The following DTNA variants were observed in gnomAD, a reference collection of about 807,000 sequenced individuals.
The protein encoded by DTNA is dystrobrevin alpha, also known as dystrophin-related protein 3.
A neutral mutation model predicts 100.7 loss-of-function variants in DTNA; 43 were observed. The observed-to-expected ratio is 0.43, with a 90% CI of 0.33 to 0.55. The LOEUF (loss-of-function observed/expected upper bound fraction) is 0.55, where lower values mean the gene tolerates loss of function less well. Among genes scored for constraint, DTNA ranks in the 20% least tolerant of loss-of-function variants. DTNA has a pLI of 0.04. For synonymous variants in DTNA, 349 were observed against 347.9 expected (o/e 1.00, Z -0.04); for missense variants, 798 against 953.9 (o/e 0.84, Z 2.15).
chr18:34,595,034 C>T (rs747339936), intron 1 of DTNA, among the ~76,000 whole-genome samples: 3 of 152,210 alleles, frequency 2.0e-5, no homozygotes, highest in Non-Finnish European at 4.4e-5. Context: ...TTGGGTAATA[C>T]TTATAATTAA....
chr18:34,887,680 G>C, intron 22 of DTNA, 86 bp from the exon 23 acceptor site: 1 of 967,240 alleles, frequency 1.0e-6, no homozygotes, highest in Non-Finnish European at 1.2e-6. Context: ...CTTCTATATT[G>C]GGGAAAGGGG....
At chr18:34,603,796 T>C (rs111932776) in intron 1 of DTNA, among the ~76,000 whole-genome samples, 143 of 152,344 alleles carry the variant, frequency 9.4e-4, no homozygotes, top group Non-Finnish European at 1.6e-3. Context: ...ATTATTTCTT[T>C]ATGAAGACCT....
chr18:34,761,378 G>A (rs1216816532), intron 2 of DTNA, among the ~76,000 whole-genome samples: 2 of 151,980 alleles, frequency 1.3e-5, no homozygotes, highest in African/African-American at 2.4e-5. Context: ...GTGTGAAAAT[G>A]TTCAGAGTGC....
chr18:34,807,715 T>C (rs886933246), intron 5 of DTNA, among the ~76,000 whole-genome samples: 3 of 152,112 alleles, frequency 2.0e-5, no homozygotes, highest in Non-Finnish European at 4.4e-5. Flanking sequence ...CAGAGAAGCC[T>C]AGCCAGACCT....
At chr18:34,649,467 C>T (rs1470570021) in intron 1 of DTNA, among the ~76,000 whole-genome samples, 2 of 152,132 alleles carry the variant, frequency 1.3e-5, no homozygotes, top group African/African-American at 4.8e-5. Context: ...TTCTGTGACT[C>T]TTCTGGCAAT....
intron 1 of DTNA, among the ~76,000 whole-genome samples, chr18:34,546,265 C>G (rs944181605): frequency 2.0e-5 from 3 of 152,062 alleles, no homozygotes; most frequent in Admixed American, 2.0e-4. Flanking sequence ...TGGCCTCTGT[C>G]TAACCAAAGG....
At chr18:34,822,434 T>C (rs1268294916) in intron 9 of DTNA, 1 of 152,254 alleles carries the variant, frequency 6.6e-6, no homozygotes, top group Non-Finnish European at 1.5e-5. Flanking sequence ...GAGAGCAGCC[T>C]TCAACAGAGC....
At chr18:34,495,079 C>T (rs1478512070) in intron 1 of DTNA, among the ~76,000 whole-genome samples, 3 of 152,012 alleles carry the variant, frequency 2.0e-5, no homozygotes, top group Non-Finnish European at 4.4e-5. Context: ...AATAACTTAC[C>T]CAAGGTCATA....
intron 19 of DTNA, among the ~76,000 whole-genome samples, chr18:34,878,225 G>T (rs1032706836): frequency 2.6e-5 from 4 of 152,068 alleles, no homozygotes; most frequent in Non-Finnish European, 5.9e-5. Flanking sequence ...TGATCCTCCT[G>T]CCTCGGCCTC....
chr18:34,673,523 G>GAAA (rs5823950), intron 1 of DTNA, among the ~76,000 whole-genome samples: 2 of 138,034 alleles, frequency 1.4e-5, no homozygotes, highest in Non-Finnish European at 1.6e-5. Context: ...CAGTCCTTCA[G>GAAA]AAAAAAAAAA....
chr18:34,591,428 A>G (rs1409097472), intron 1 of DTNA, among the ~76,000 whole-genome samples: 1 of 152,210 alleles, frequency 6.6e-6, no homozygotes, highest in East Asian at 1.9e-4. Context: ...AGTTTCAACA[A>G]CCATTTTTTG....
At chr18:34,783,331 A>T (rs2094402895) in intron 3 of DTNA, among the ~76,000 whole-genome samples, 1 of 152,224 alleles carries the variant, frequency 6.6e-6, no homozygotes, top group Admixed American at 6.5e-5. Context: ...CCTAATAGGC[A>T]ATGGATGTAC....
chr18:34,621,442 G>A lies in DTNA; in HGVS notation c.-2+127928G>A, dbSNP rs1599170812. ...GGAATCAACCTAAGTGTCTGTCAATGGATGGATGAATGGATAAATGTGGTA... is the reference window on the plus strand; with the variant it reads ...GGAATCAACCTAAGTGTCTGTCAATAGATGGATGAATGGATAAATGTGGTA... On this transcript the variant is annotated intron_variant, in intron 1 of 19. Coordinates refer to the DTNA transcript ENST00000283365. Among the ~76,000 whole-genome samples the A allele has an allele frequency of 2.0e-5, 3 of 152,134 alleles. No individual in the cohort carries two copies. The South Asian group carries it at 6.2e-4, about 32-fold the overall frequency.
chr18:34,591,910 T>A (rs1439223139), intron 1 of DTNA, among the ~76,000 whole-genome samples: 7 of 152,146 alleles, frequency 4.6e-5, no homozygotes, highest in Non-Finnish European at 8.8e-5. Flanking sequence ...ATTAATCAAG[T>A]TTTCCCTCAT....
chr18:34,659,598 A>T (rs2074880754), intron 1 of DTNA, among the ~76,000 whole-genome samples: 1 of 151,596 alleles, frequency 6.6e-6, no homozygotes, highest in Non-Finnish European at 1.5e-5. Context: ...TTCATTCTAG[A>T]TTCTAACACG....
At chr18:34,830,579 A>G (rs2095983325) in intron 11 of DTNA, among the ~76,000 whole-genome samples, 1 of 152,072 alleles carries the variant, frequency 6.6e-6, no homozygotes, top group Admixed American at 6.5e-5. Context: ...CATCTTTTCT[A>G]GCTCTGTACT....
chr18:34,806,833 A>G (rs1033144428), intron 5 of DTNA, among the ~76,000 whole-genome samples: 2 of 152,250 alleles, frequency 1.3e-5, no homozygotes, highest in African/African-American at 4.8e-5. Context: ...CATGGTAGCT[A>G]AAGTACATTG....
intron 1 of DTNA, among the ~76,000 whole-genome samples, chr18:34,732,325 C>T (rs2088475654): frequency 6.6e-6 from 1 of 152,168 alleles, no homozygotes; most frequent in Admixed American, 6.6e-5. Context: ...TGTAATGAAG[C>T]TTGTAAATTA....
rs560195267 is a variant in DTNA, at chr18:34,825,523, A to G, written c.1002-2070A>G. On this transcript the variant is annotated intron_variant, in intron 9 of 22. Transcript: ENST00000444659. ...TTTTACATAAAACCAAATATGTTCA[A>G]AATTCCCAGTGTGAGCCATTTGTTA... Among the ~76,000 whole-genome samples, 22 of 152,304 alleles carry G rather than the reference A, an allele frequency of 1.4e-4. No individual in the cohort carries two copies. In the South Asian group the frequency reaches 2.5e-3, roughly 17 times the overall value.
Sources: gnomAD v4.1 joint callset for allele counts (sites outside exome capture counted in the v4.1 genomes callset) on GRCh38, gnomAD v4.1.1 for gene constraint, MANE v1.5 for transcripts, NCBI Gene and HGNC (gene_info 2026-07-23, HGNC 2026-07-21) for gene names.